MS4A3: variants seen among roughly 807,000 people sequenced by gnomAD.
MS4A3 encodes the protein membrane spanning 4-domains A3, also known as membrane-spanning 4-domains subfamily A member 3.
In MS4A3, 18 loss-of-function variants were observed where a neutral mutation model predicts 24.7. The ratio of observed to expected loss-of-function variants is 0.73; its 90% CI spans 0.50 to 1.08. The LOEUF is 1.08. MS4A3 is among the 50% of genes least tolerant of loss of function. The pLI is 0.00. For missense variants in MS4A3, 282 were observed against 251.7 expected, an observed-to-expected ratio of 1.12 and a Z score of -0.82; for synonymous variants, 84 against 95.3, an observed-to-expected ratio of 0.88 and a Z score of 0.69.
intron 3 of MS4A3, among the ~76,000 whole-genome samples, chr11:60,063,732 C>T (rs1855314270): frequency 6.6e-6 from 1 of 152,186 alleles, no homozygotes. Flanking sequence ...TAAATCCTTG[C>T]ATAAGCCATT....
chr11:60,058,243 C>T (rs904322538), intron 1 of MS4A3, among the ~76,000 whole-genome samples: 1 of 151,846 alleles, frequency 6.6e-6, no homozygotes, highest in Non-Finnish European at 1.5e-5. Context: ...CGCATTGATT[C>T]ACGCCTGTAA....
chr11:60,066,083 A>G (rs1855356722), intron 4 of MS4A3, among the ~76,000 whole-genome samples: 3 of 152,208 alleles, frequency 2.0e-5, no homozygotes, highest in African/African-American at 4.8e-5. Flanking sequence ...CCAGATTCCC[A>G]GACCAAACAC....
intron 1 of MS4A3, among the ~76,000 whole-genome samples, chr11:60,058,326 G>A (rs1489326842): frequency 6.6e-6 from 1 of 151,116 alleles, no homozygotes; most frequent in Non-Finnish European, 1.5e-5. Flanking sequence ...GGCCAACATG[G>A]TAAAACCCCA....
intron 1 of MS4A3, among the ~76,000 whole-genome samples, chr11:60,060,371 T>C (rs1855251949): frequency 6.6e-6 from 1 of 152,186 alleles, no homozygotes; most frequent in Non-Finnish European, 1.5e-5. Context: ...GAATCTTCCA[T>C]AGTGCTTAAA....
intron 1 of MS4A3, among the ~76,000 whole-genome samples, chr11:60,060,031 T>C (rs1265313699): frequency 2.0e-5 from 3 of 152,200 alleles, no homozygotes; most frequent in Admixed American, 2.0e-4. Flanking sequence ...TACTATGAAT[T>C]AGGAAGTTAT....
intron 6 of MS4A3, 22 bp downstream of exon 6, chr11:60,069,697 A>G: frequency 1.3e-6 from 2 of 1,549,618 alleles, no homozygotes; most frequent in Non-Finnish European, 1.8e-6. Context: ...CAAATGATTA[A>G]TCATTCACAT....
Position 60,070,202 on chromosome 11 carries a change from A to G in MS4A3, c.616-2A>G. The G allele has an allele frequency of 6.3e-7, 1 of 1,599,952 alleles. No homozygotes were observed. Among genetic ancestry groups the G allele is most frequent in the Non-Finnish European group, 8.6e-7 (1 of 1,167,854 alleles). Reference sequence around the variant, plus strand: ...GGACATTAATGTTGTTTTATTTTCTAGGAAATTTCCTCACCTCCCAATTCT... The same window carrying G: ...GGACATTAATGTTGTTTTATTTTCTGGGAAATTTCCTCACCTCCCAATTCT... On this transcript the variant is annotated splice_acceptor_variant, in intron 6 of 6. Coordinates refer to ENST00000278865, the MANE Select transcript of MS4A3 (RefSeq NM_006138.5). LOFTEE classifies it high-confidence loss of function.
At chr11:60,064,556 T>C (rs1490644480) in intron 4 of MS4A3, among the ~76,000 whole-genome samples, 10 of 152,204 alleles carry the variant, frequency 6.6e-5, no homozygotes, top group Non-Finnish European at 1.3e-4. Flanking sequence ...AAAAGTCTTC[T>C]TGATTTTTAT....
chr11:60,062,669 G>C, intron 3 of MS4A3, 64 bp downstream of exon 3: 1 of 1,577,896 alleles, frequency 6.3e-7, no homozygotes, highest in South Asian at 1.2e-5. Context: ...AGATGTGTTT[G>C]ATGACAAAAA....
intron 3 of MS4A3, among the ~76,000 whole-genome samples, chr11:60,063,096 G>A (rs1304644775): frequency 6.6e-6 from 1 of 152,114 alleles, no homozygotes; most frequent in Non-Finnish European, 1.5e-5. Context: ...CTGATGCCAG[G>A]CCAAAAATCT....
In MS4A3 at chr11:60,064,316, T is replaced by C. The variant is rs530976894; in HGVS notation, c.349T>C (p.Trp117Arg). 5.0e-6 allele frequency: 8 copies of C among 1,599,980 alleles called. No individual in the cohort carries two copies. The Admixed American group carries it at 1.0e-4, about 21-fold the overall frequency. Residue 117 changes from tryptophan to arginine, a missense_variant and splice_region_variant, in exon 4 of 7, where the codon TGG becomes CGG. Physicochemically the swap from Trp to Arg is moderately radical, Grantham distance 101. Transcript: ENST00000278865. ...AGCAGGGATAAAACCCACAAGAACA[T>C]GGGTAAGTAGCACTTCCTCTTTTTC... ...VVAGIKPTRT[W>R]IQNSFGMNIA...
chr11:60,064,289 G>A lies in MS4A3; in HGVS notation c.322G>A (p.Val108Ile). 6.2e-7 allele frequency: 1 copy of A among 1,604,550 alleles called. No homozygotes were observed. The highest frequency in any genetic ancestry group is 2.3e-5 in the East Asian group (1 of 44,128). The change falls in exon 4 of 7, where the codon GTA becomes ATA. Residue 108 changes from valine to isoleucine, a missense_variant. Val to Ile is a conservative substitution (Grantham distance 29). Coordinates refer to ENST00000278865, the MANE Select transcript of MS4A3 (RefSeq NM_006138.5). Reference sequence around the variant, plus strand: ...CTGTAGTTCAGGAACCTTGTCTGTTGTAGCAGGGATAAAACCCACAAGAAC... The same window carrying A: ...CTGTAGTTCAGGAACCTTGTCTGTTATAGCAGGGATAAAACCCACAAGAAC... ...FFCSSGTLSVVAGIKPTRTWI... is the reference protein window; with the variant it reads ...FFCSSGTLSVIAGIKPTRTWI...
At chr11:60,065,171 C>G (rs1855339456) in intron 4 of MS4A3, among the ~76,000 whole-genome samples, 2 of 151,874 alleles carry the variant, frequency 1.3e-5, no homozygotes, top group Non-Finnish European at 2.9e-5. Flanking sequence ...TCTCACATAG[C>G]TGGGACTACA....
At position 60,070,286 on chromosome 11, in the gene MS4A3, A is replaced by G; in HGVS notation, c.*53A>G. Reference sequence around the variant, plus strand: ...CATGAATATTTGACCTTAAATCTCCAGTGACTCAGAGCTTCACCCACAAAC... The same window carrying G: ...CATGAATATTTGACCTTAAATCTCCGGTGACTCAGAGCTTCACCCACAAAC... On this transcript the variant is annotated 3_prime_UTR_variant, in exon 7 of 7. Transcript: ENST00000278865. The G allele has an allele frequency of 7.0e-7, 1 of 1,425,296 alleles. No homozygotes were observed. Among genetic ancestry groups the G allele is most frequent in the South Asian group, 1.2e-5 (1 of 84,828 alleles). 88.3% of individuals were successfully genotyped at this position (1,425,296 alleles called of 1,614,324 possible).
intron 1 of MS4A3, among the ~76,000 whole-genome samples, chr11:60,058,506 CAAAAA>C (rs58722616): frequency 3.4e-4 from 6 of 17,866 alleles, no homozygotes; most frequent in South Asian, 5.6e-3. Context: ...AGCTCCAACT[CAAAAA>C]AAAAAAAAAA....
intron 3 of MS4A3, among the ~76,000 whole-genome samples, chr11:60,063,345 A>T (rs906852011): frequency 6.6e-6 from 1 of 152,176 alleles, no homozygotes; most frequent in African/African-American, 2.4e-5. Context: ...TTCAATCAGA[A>T]GAAATAGGGG....
intron 6 of MS4A3, 141 bp downstream of exon 6, chr11:60,069,816 T>C (rs1279783733): frequency 1.4e-6 from 1 of 728,664 alleles, no homozygotes; most frequent in African/African-American, 1.8e-5. Flanking sequence ...GTATGAATGT[T>C]AGAGATGGAA....
At chr11:60,067,152 A>C (rs1855376176) in intron 5 of MS4A3, 40 bp downstream of exon 5, 1 of 1,483,772 alleles carries the variant, frequency 6.7e-7, no homozygotes. Context: ...AAAATATTTC[A>C]AACAATCCAG....
intron 6 of MS4A3, 143 bp downstream of exon 6, chr11:60,069,818 G>A: frequency 1.4e-6 from 1 of 719,126 alleles, no homozygotes; most frequent in Admixed American, 2.5e-5. Context: ...ATGAATGTTA[G>A]AGATGGAATG....
Sources: allele counts gnomAD v4.1 joint callset (sites outside exome capture counted in the v4.1 genomes callset), GRCh38; gene constraint gnomAD v4.1.1; transcripts MANE v1.5; gene names NCBI Gene and HGNC (gene_info 2026-07-23, HGNC 2026-07-21).